SDK2: variants seen among roughly 807,000 people sequenced by gnomAD.
SDK2 encodes the protein sidekick cell adhesion molecule 2.
SDK2 carries 105 observed loss-of-function variants against 253.9 expected under a neutral mutation model. That is an observed-to-expected ratio of 0.41 (90% confidence interval 0.35 to 0.49). The LOEUF (loss-of-function observed/expected upper bound fraction) is 0.49. Ranked by LOEUF, SDK2 falls within the 20% of genes least tolerant of loss-of-function variation. SDK2 has a pLI of 0.06. For synonymous variants in SDK2, 1,249 were observed against 1,234.9 expected (o/e 1.01, Z -0.24); for missense variants, 2,608 against 3,003.0 (o/e 0.87, Z 3.07).
At chr17:73,387,775 G>A in intron 30 of SDK2, 61 bp downstream of exon 30, 5 of 1,414,232 alleles carry the variant, frequency 3.5e-6, no homozygotes, top group Non-Finnish European at 4.8e-6. Flanking sequence ...CAGTGGAGGA[G>A]CACCGCTGGT....
chr17:73,405,451 A>C (rs112121847), intron 18 of SDK2, among the ~76,000 whole-genome samples: 1,232 of 113,122 alleles, frequency 0.011, 47 homozygotes, highest in African/African-American at 0.04. Flanking sequence ...AAAAAAAAAA[A>C]AAACAAACAA....
At position 73,624,815 on chromosome 17, in the gene SDK2, G is replaced by C. The variant is rs567410801; in HGVS notation, c.64+19210C>G. Among the ~76,000 whole-genome samples the C allele has an allele frequency of 2.6e-5, 4 of 152,274 alleles. No individual in the cohort carries two copies. The South Asian group carries it at 8.3e-4, about 32-fold the overall frequency. On this transcript the variant is annotated intron_variant, in intron 1 of 44. Coordinates refer to ENST00000392650, the MANE Select transcript of SDK2 (RefSeq NM_001144952.2). ...AGATGCAACTATAATAAGGGTGGCC[G>C]TGGTGATGTTGTTACTAGGAGGAGT...
At chr17:73,526,728 G>A (rs2064129107) in intron 1 of SDK2, among the ~76,000 whole-genome samples, 1 of 152,206 alleles carries the variant, frequency 6.6e-6, no homozygotes, top group East Asian at 1.9e-4. Context: ...GCTTGTTTGG[G>A]TGGCAGGATC....
chr17:73,479,858 T>C (rs774515364), intron 2 of SDK2, among the ~76,000 whole-genome samples: 1 of 152,172 alleles, frequency 6.6e-6, no homozygotes, highest in Non-Finnish European at 1.5e-5. Context: ...GCCCGGCTAA[T>C]TTTTAATATT....
In SDK2 at chr17:73,350,340, C is replaced by T. The variant is rs139480135; in HGVS notation, c.5935G>A (p.Glu1979Lys). The T allele has an allele frequency of 7.8e-5, 126 of 1,613,820 alleles. No individual in the cohort carries two copies. The African/African-American group carries it at 1.2e-3, about 16-fold the overall frequency. ...SAKSGALGHS[E>K]MMSLDESSFP... ...CTGCTTTCATCCAAGCTCATCATCT[C>T]GCTGTGGCCTAGGGCTCCAGACTTG... Residue 1979 changes from glutamate (E) to lysine (K), a missense_variant, in exon 43 of 45, where the codon GAG (glutamate) becomes AAG (lysine). Physicochemically the swap from Glu to Lys is moderately conservative, Grantham distance 56. This residue lies in a region of SDK2 where 1,103 missense variants were observed against 1,143.9 expected (regional missense o/e 0.96). Coordinates refer to ENST00000392650, the MANE Select transcript of SDK2 (RefSeq NM_001144952.2).
At chr17:73,605,698 T>C (rs1447922348) in intron 1 of SDK2, among the ~76,000 whole-genome samples, 1 of 152,208 alleles carries the variant, frequency 6.6e-6, no homozygotes, top group Non-Finnish European at 1.5e-5. Context: ...TGTGCCTCCA[T>C]GCACTGACCT....
In SDK2 at chr17:73,350,693, G is replaced by C. The variant is rs1290639795; in HGVS notation, c.5856C>G (p.Ile1952Met). The change falls in exon 42 of 45, where the codon ATC becomes ATG. Residue 1952 changes from isoleucine (I) to methionine (M), a missense_variant. Physicochemically the swap from Ile to Met is conservative, Grantham distance 10. Transcript: ENST00000392650. ...CGTACTTCTTGCTCTGGCCCCGGAT[G>C]ATGAGCACGAAGACCAGAAGCAGGA... ...IFILLLVFVLIIRGQSKKYAK... is the reference protein window; with the variant it reads ...IFILLLVFVLMIRGQSKKYAK... 3 of 1,613,712 alleles carry C rather than the reference G, an allele frequency of 1.9e-6. No homozygotes were observed. The highest frequency in any genetic ancestry group is 1.7e-5 in the Admixed American group (1 of 59,956).
rs1208494293 is a variant in SDK2, at chr17:73,644,210, G to GCC, written c.-124_-123dup. Reference sequence around the variant, plus strand: ...AAACAGTCAGTCTACGCGGCTCCGTGCCCCGGGGTGTAATATGCCCGGGAG... The same window carrying GCC: ...AAACAGTCAGTCTACGCGGCTCCGTGCCCCCCGGGGTGTAATATGCCCGGGAG... On this transcript the variant is annotated 5_prime_UTR_variant, in exon 1 of 45. Transcript: ENST00000392650. The surrounding 1 kb of genome is among the most constrained non-coding windows in gnomAD (Gnocchi z 6.3). The GCC allele has an allele frequency of 2.3e-5, 18 of 786,070 alleles. No homozygotes were observed. The Admixed American group carries it at 4.0e-4, about 18-fold the overall frequency. The allele number at this position is 786,070 out of a possible 1,614,324, so 48.7% of individuals were successfully genotyped here. A position where few individuals can be genotyped will look rare whatever the true frequency, so the allele number is the denominator to read the frequency against.
chr17:73,385,799 A>C, intron 32 of SDK2, 48 bp downstream of exon 32: 1 of 1,524,008 alleles, frequency 6.6e-7, no homozygotes, highest in Non-Finnish European at 9.0e-7. Flanking sequence ...GTCCCAGAGC[A>C]GAGCTCGTCT....
At chr17:73,437,600 T>C (rs1030238126) in intron 8 of SDK2, 139 bp downstream of exon 8, 5 of 764,656 alleles carry the variant, frequency 6.5e-6, no homozygotes, top group Middle Eastern at 2.3e-4. Flanking sequence ...CTGGGGTGCC[T>C]GCTCAGACAG....
At chr17:73,580,489 C>T (rs992337836) in intron 1 of SDK2, among the ~76,000 whole-genome samples, 2 of 152,268 alleles carry the variant, frequency 1.3e-5, no homozygotes, top group Non-Finnish European at 2.9e-5. Flanking sequence ...CTCCGGAACA[C>T]CGGGGCTCAC....
chr17:73,549,733 G>C (rs1416950659), intron 1 of SDK2, among the ~76,000 whole-genome samples: 1 of 152,272 alleles, frequency 6.6e-6, no homozygotes, highest in South Asian at 2.1e-4. Context: ...ATCAGCCACA[G>C]TGTGTGGGAG....
rs56761775 is a variant in SDK2 at position 73,369,011 on chromosome 17, C to CAAA, written c.4981-421_4981-419dup. ...TGGGTGACAGAGCAAGACTCCATCT[C>CAAA]AAAAAAAAAAAAAAAGAATTTAAGA... On this transcript the variant is annotated intron_variant, in intron 36 of 44. Coordinates refer to ENST00000392650, the MANE Select transcript of SDK2 (RefSeq NM_001144952.2). The CAAA allele has an allele frequency of 2.3e-4, 58 of 255,674 alleles. 1 individual carries two copies. The highest frequency in any genetic ancestry group is 1.1e-3 in the Admixed American group (24 of 21,256). The allele number at this position is 255,674 out of a possible 1,614,324, so 15.8% of individuals were successfully genotyped here.
chr17:73,433,708 T>A, intron 10 of SDK2, 24 bp downstream of exon 10: 1 of 1,526,606 alleles, frequency 6.6e-7, no homozygotes, highest in Non-Finnish European at 9.0e-7. Context: ...CCAGCCACAC[T>A]CTCTGAAGGT....
In SDK2 at chr17:73,483,700, TATATATA is replaced by T. The variant is rs1456341407; in HGVS notation, c.225-11489_225-11483del. ...ATATATATTTATATATATATATATA[TATATATA>T]TTTTTTTTTTTTTTTAGTAGAGTTG... On this transcript the variant is annotated intron_variant, in intron 2 of 44. Transcript: ENST00000392650. Among the ~76,000 whole-genome samples the T allele has an allele frequency of 5.9e-3, 478 of 81,682 alleles. 17 individuals are homozygous for T. Among genetic ancestry groups the T allele is most frequent in the Non-Finnish European group, 8.1e-3 (357 of 44,040 alleles). The allele number at this position is 81,682 out of a possible 152,430, so 53.6% of individuals were successfully genotyped here.
chr17:73,409,545 G>A (rs1014472506), intron 18 of SDK2, among the ~76,000 whole-genome samples: 4 of 151,840 alleles, frequency 2.6e-5, no homozygotes, highest in Admixed American at 6.6e-5. Context: ...CACAAGAATC[G>A]CTTGAACCCG....
intron 2 of SDK2, among the ~76,000 whole-genome samples, chr17:73,485,123 T>C (rs567922601): frequency 5.9e-5 from 9 of 152,260 alleles, no homozygotes; most frequent in African/African-American, 1.9e-4. Flanking sequence ...GGAGACACAA[T>C]TCAACTCATA....
chr17:73,565,353 G>A (rs1226433124), intron 1 of SDK2, among the ~76,000 whole-genome samples: 4 of 152,172 alleles, frequency 2.6e-5, no homozygotes, highest in Admixed American at 6.5e-5. Context: ...TCAACCACAG[G>A]GGAGAGCAAG....
At chr17:73,613,364 C>T (rs2046002263) in intron 1 of SDK2, among the ~76,000 whole-genome samples, 2 of 151,580 alleles carry the variant, frequency 1.3e-5, no homozygotes, top group Admixed American at 6.6e-5. Context: ...TCCCCACCCC[C>T]GCCCTCCAGG....
Sources: gnomAD v4.1 joint callset for allele counts (sites outside exome capture counted in the v4.1 genomes callset) on GRCh38, gnomAD v4.1.1 for gene constraint, gnomAD v4.1.1 regional missense constraint, Gnocchi (gnomAD v3.1) non-coding constraint, MANE v1.5 for transcripts, NCBI Gene and HGNC (gene_info 2026-07-23, HGNC 2026-07-21) for gene names.